Variants in RIMS2 observed in about 807,000 individuals in gnomAD.
RIMS2 encodes regulating synaptic membrane exocytosis 2.
In RIMS2, 59 loss-of-function variants were observed where a neutral mutation model predicts 174.4. The observed-to-expected ratio is 0.34, with a 90% confidence interval of 0.27 to 0.42. The LOEUF (loss-of-function observed/expected upper bound fraction) is 0.42, where lower values mean the gene tolerates loss of function less well. Ranked by LOEUF, RIMS2 falls within the 10% of genes least tolerant of loss-of-function variation. The pLI is 1.00. For missense variants in RIMS2, 1,620 were observed against 1,666.3 expected (o/e 0.97, Z 0.48); for synonymous variants, 606 against 572.5 (o/e 1.06, Z -0.84).
intron 19 of RIMS2, among the ~76,000 whole-genome samples, chr8:104,042,840 T>G (rs563259302): frequency 6.6e-6 from 1 of 151,506 alleles, no homozygotes; most frequent in Non-Finnish European, 1.5e-5. Flanking sequence ...ATATCAGCAT[T>G]CAAGTGATGC....
chr8:104,215,608 G>T (rs886998127), intron 19 of RIMS2, among the ~76,000 whole-genome samples: 2 of 152,152 alleles, frequency 1.3e-5, no homozygotes, highest in African/African-American at 4.8e-5. Flanking sequence ...ATAAGAAGTT[G>T]CTAGGTGATG....
intron 19 of RIMS2, among the ~76,000 whole-genome samples, chr8:104,068,938 C>T (rs1454029820): frequency 6.6e-6 from 1 of 151,890 alleles, no homozygotes; most frequent in African/African-American, 2.4e-5. Context: ...AGATTTTTTC[C>T]CATTTTATAG....
At chr8:103,605,848 C>T (rs1256531653) in intron 1 of RIMS2, among the ~76,000 whole-genome samples, 1 of 151,190 alleles carries the variant, frequency 6.6e-6, no homozygotes, top group East Asian at 1.9e-4. Flanking sequence ...GTGGTGATAT[C>T]CCCTTTATCA....
intron 3 of RIMS2, among the ~76,000 whole-genome samples, chr8:103,863,532 T>C (rs1326423831): frequency 1.3e-5 from 2 of 152,130 alleles, no homozygotes; most frequent in African/African-American, 4.8e-5. Flanking sequence ...AGTTCTTCCT[T>C]GTATGTCTGA....
rs1398715967 is a variant in RIMS2 at position 103,920,681 on chromosome 8, T to G, written c.2084-991T>G. The G allele has an allele frequency of 6.6e-6, 3 of 457,120 alleles. No individual in the cohort carries two copies. In the Admixed American group the frequency reaches 7.1e-5, roughly 11 times the overall value. 28.3% of individuals were successfully genotyped at this position (457,120 alleles called of 1,614,324 possible). On this transcript the variant is annotated intron_variant, in intron 9 of 23. Coordinates refer to ENST00000504942, the Ensembl canonical transcript of RIMS2. ...GTGTTCCCAATTAAGTTTTTATACATCCATTCCCTTAAATATAGGTCTTCC... is the reference window on the plus strand; with the variant it reads ...GTGTTCCCAATTAAGTTTTTATACAGCCATTCCCTTAAATATAGGTCTTCC...
intron 1 of RIMS2, among the ~76,000 whole-genome samples, chr8:103,687,568 A>G (rs2096957612): frequency 6.6e-6 from 1 of 152,068 alleles, no homozygotes. Flanking sequence ...TCAAAATACA[A>G]TATATTGTTA....
Position 104,173,491 on chromosome 8 carries a change from A to AT in RIMS2, c.3335-71418dup, listed in dbSNP as rs910972389. ...GATTATTTTATTGAAGTAATCTTTA[A>AT]TTTTTTTACTATGGTTTTGATCATG... On this transcript the variant is annotated intron_variant, in intron 19 of 23. Coordinates refer to ENST00000504942, the Ensembl canonical transcript of RIMS2. Among the ~76,000 whole-genome samples, 16 of 151,806 alleles carry AT rather than the reference A, an allele frequency of 1.1e-4. No individual in the cohort carries two copies. The South Asian group carries it at 2.3e-3, about 22-fold the overall frequency.
chr8:104,037,213 G>C (rs2096535264), intron 19 of RIMS2, among the ~76,000 whole-genome samples: 1 of 152,172 alleles, frequency 6.6e-6, no homozygotes, highest in African/African-American at 2.4e-5. Context: ...CCTCCTACTA[G>C]GTTCTTACTT....
At chr8:103,998,085 C>A in intron 17 of RIMS2, 2 of 846,212 alleles carry the variant, frequency 2.4e-6, no homozygotes, top group Non-Finnish European at 3.7e-6. Context: ...TGCTTACTGT[C>A]TGCCTATCTT....
chr8:103,837,400 T>C (rs1438089400), intron 3 of RIMS2, among the ~76,000 whole-genome samples: 1 of 152,212 alleles, frequency 6.6e-6, no homozygotes, highest in East Asian at 1.9e-4. Context: ...TATTTTAAGT[T>C]TTAGGGTACA....
At chr8:104,148,462 A>G in intron 19 of RIMS2, 145 bp from the exon 25 acceptor site, 1 of 728,352 alleles carries the variant, frequency 1.4e-6, no homozygotes. Context: ...AATCAAGACC[A>G]TGGTATTTGA....
Position 104,184,718 on chromosome 8 carries a change from T to TA in RIMS2, c.3335-60191dup, listed in dbSNP as rs1384550799. ...TTTGTTTTAATACAAAAAGATACAG[T>TA]AAAAAAATCAAGATAACATGATGGA... is the stretch of plus-strand genomic sequence containing the variant. On this transcript the variant is annotated intron_variant, in intron 19 of 23. Coordinates refer to ENST00000504942, the Ensembl canonical transcript of RIMS2. 3.3e-5 allele frequency among the ~76,000 whole-genome samples: 5 copies of TA among 151,540 alleles called. No homozygotes were observed. In the South Asian group the frequency reaches 8.3e-4, roughly 25 times the overall value.
Position 103,902,562 on chromosome 8 carries a change from CCT to C in RIMS2, c.1625-7571_1625-7570del, listed in dbSNP as rs575951447. Among the ~76,000 whole-genome samples, 580 of 152,158 alleles carry C rather than the reference CCT, an allele frequency of 3.8e-3. 1 individual carries two copies. The highest frequency in any genetic ancestry group is 7.0e-3 in the Non-Finnish European group (477 of 68,000). On this transcript the variant is annotated intron_variant, in intron 4 of 23. Coordinates refer to ENST00000504942, the Ensembl canonical transcript of RIMS2. ...CTTACATAATATACCCTATATATGA[CCT>C]TTTTTAGTTGGACTTTGTGTTTAAT... is the stretch of plus-strand genomic sequence containing the variant.
chr8:104,057,623 T>A (rs2096894031), intron 19 of RIMS2, among the ~76,000 whole-genome samples: 1 of 151,630 alleles, frequency 6.6e-6, no homozygotes, highest in Non-Finnish European at 1.5e-5. Flanking sequence ...AATGTGCAGG[T>A]TAGTTACATA....
At chr8:104,137,694 T>C (rs2098532608) in intron 19 of RIMS2, among the ~76,000 whole-genome samples, 1 of 152,186 alleles carries the variant, frequency 6.6e-6, no homozygotes, top group Non-Finnish European at 1.5e-5. Context: ...TTTGTTCATT[T>C]GTAGGTTTGT....
chr8:103,749,962 A>G (rs747288190), intron 2 of RIMS2, among the ~76,000 whole-genome samples: 1 of 152,118 alleles, frequency 6.6e-6, no homozygotes, highest in Non-Finnish European at 1.5e-5. Context: ...TAAAAATCTT[A>G]TTTTAATTCA....
intron 2 of RIMS2, among the ~76,000 whole-genome samples, chr8:103,758,413 T>A (rs1298389157): frequency 2.6e-5 from 4 of 152,206 alleles, no homozygotes; most frequent in Non-Finnish European, 5.9e-5. Context: ...TTGTTCAGTG[T>A]CAAAGTTACA....
chr8:103,941,715 ATTTAAAATCCGTTCT>A (rs2082586362), intron 13 of RIMS2, among the ~76,000 whole-genome samples: 1 of 152,160 alleles, frequency 6.6e-6, no homozygotes, highest in Non-Finnish European at 1.5e-5. Context: ...TATGGTTCAT[ATTTAAAATCCGTTCT>A]TGTTTTTTTC....
intron 4 of RIMS2, among the ~76,000 whole-genome samples, chr8:103,904,713 T>C (rs1483664992): frequency 6.6e-6 from 1 of 152,086 alleles, no homozygotes; most frequent in Non-Finnish European, 1.5e-5. Context: ...AGGATTTCTA[T>C]GTTTATAATC....
Sources: gnomAD v4.1 joint callset for allele counts (sites outside exome capture counted in the v4.1 genomes callset) on GRCh38, gnomAD v4.1.1 for gene constraint, MANE v1.5 for transcripts, NCBI Gene and HGNC (gene_info 2026-07-23, HGNC 2026-07-21) for gene names.